HDAC9: variants seen among roughly 807,000 people sequenced by gnomAD.
The protein encoded by HDAC9 is histone deacetylase 9.
HDAC9 carries 41 observed loss-of-function variants against 139.4 expected under a neutral mutation model. The observed-to-expected ratio is 0.29, with a 90% CI of 0.23 to 0.38. The LOEUF (loss-of-function observed/expected upper bound fraction) is 0.38, where lower values mean the gene tolerates loss of function less well. Among genes scored for constraint, HDAC9 ranks in the 10% least tolerant of loss-of-function variants. The pLI, the probability that HDAC9 is intolerant of heterozygous loss-of-function variation, is 1.00. For synonymous variants in HDAC9, 517 were observed against 476.2 expected, an observed-to-expected ratio of 1.09 and a Z score of -1.12; for missense variants, 1,147 against 1,297.0, an observed-to-expected ratio of 0.88 and a Z score of 1.78.
intron 1 of HDAC9, among the ~76,000 whole-genome samples, chr7:18,355,746 C>A (rs573419678): frequency 6.6e-6 from 1 of 152,072 alleles, no homozygotes; most frequent in African/African-American, 2.4e-5. Flanking sequence ...ACCCCCATTT[C>A]GTGACACTGA....
intron 12 of HDAC9, among the ~76,000 whole-genome samples, chr7:18,682,203 A>G (rs2129091004): frequency 6.6e-6 from 1 of 152,150 alleles, no homozygotes; most frequent in East Asian, 1.9e-4. Flanking sequence ...TGATCTGCAT[A>G]GATTTTGCAT....
At chr7:18,202,045 T>G (rs1474148730) in intron 2 of HDAC9, among the ~76,000 whole-genome samples, 1 of 152,218 alleles carries the variant, frequency 6.6e-6, no homozygotes, top group African/African-American at 2.4e-5. Flanking sequence ...GAAAGACTTT[T>G]ACCTCTCTGT....
chr7:18,614,027 A>G (rs1330959605), intron 6 of HDAC9, among the ~76,000 whole-genome samples: 1 of 151,936 alleles, frequency 6.6e-6, no homozygotes. Flanking sequence ...TTTCTATTTC[A>G]ATTGTCACCA....
intron 1 of HDAC9, among the ~76,000 whole-genome samples, chr7:18,138,880 C>T (rs1029170340): frequency 2.6e-5 from 4 of 152,038 alleles, no homozygotes; most frequent in Admixed American, 6.6e-5. Flanking sequence ...ATTATACCTT[C>T]CTGGCACTCT....
chr7:18,656,552 G>A (rs1254393571), intron 11 of HDAC9, among the ~76,000 whole-genome samples: 2 of 151,950 alleles, frequency 1.3e-5, no homozygotes, highest in South Asian at 4.1e-4. Context: ...TATTTGTTTT[G>A]CAATATTGGT....
intron 2 of HDAC9, among the ~76,000 whole-genome samples, chr7:18,185,554 A>G (rs1027534493): frequency 6.6e-6 from 1 of 152,210 alleles, no homozygotes; most frequent in Non-Finnish European, 1.5e-5. Context: ...AAAAGAGACA[A>G]ATTAATCTCA....
chr7:18,900,614 A>G (rs1011610275), intron 22 of HDAC9, among the ~76,000 whole-genome samples: 1 of 152,174 alleles, frequency 6.6e-6, no homozygotes, highest in Non-Finnish European at 1.5e-5. Context: ...ACAAGATCCC[A>G]TGGACCCCTT....
chr7:18,736,984 T>G (rs889497262), intron 13 of HDAC9, among the ~76,000 whole-genome samples: 2 of 152,220 alleles, frequency 1.3e-5, no homozygotes, highest in Non-Finnish European at 2.9e-5. Flanking sequence ...TGTCCAGGAA[T>G]TTATCCATTT....
chr7:18,312,314 C>T (rs980909848), intron 1 of HDAC9, among the ~76,000 whole-genome samples: 12 of 152,118 alleles, frequency 7.9e-5, no homozygotes, highest in African/African-American at 2.9e-4. Flanking sequence ...TCACTGTTGT[C>T]TCTTTCTTGT....
chr7:18,824,721 T>A (rs62448067), intron 17 of HDAC9, among the ~76,000 whole-genome samples: 15,753 of 152,190 alleles, frequency 0.1, 1,022 homozygotes, highest in African/African-American at 0.18. Context: ...CTTTGTGGCT[T>A]GCAGACAGCC....
At position 18,477,823 on chromosome 7, in the gene HDAC9, G is replaced by A. The variant is rs112464979; in HGVS notation, c.-41-18439G>A. 3.1e-3 allele frequency among the ~76,000 whole-genome samples: 473 copies of A among 152,166 alleles called. 6 individuals are homozygous for A. The highest frequency in any genetic ancestry group is 0.011 in the African/African-American group (445 of 41,530). ...CTTTATCTAATGTTAACGACTCACA[G>A]CCTGTAACTACCATCTGCCCTTTCT... On this transcript the variant is annotated intron_variant, in intron 1 of 3. Coordinates refer to the HDAC9 transcript ENST00000413509.
At chr7:18,544,391 G>A (rs549224862) in intron 2 of HDAC9, among the ~76,000 whole-genome samples, 1 of 152,330 alleles carries the variant, frequency 6.6e-6, no homozygotes, top group South Asian at 2.1e-4. Flanking sequence ...ATGAAAACAT[G>A]TTAATAGATT....
intron 1 of HDAC9, among the ~76,000 whole-genome samples, chr7:18,389,342 G>A (rs558858542): frequency 6.6e-6 from 1 of 152,214 alleles, no homozygotes; most frequent in African/African-American, 2.4e-5. Flanking sequence ...GAGTCCTGGA[G>A]TTATAGGCAT....
chr7:18,298,224 A>G (rs902701591), intron 1 of HDAC9, among the ~76,000 whole-genome samples: 2 of 151,944 alleles, frequency 1.3e-5, no homozygotes, highest in Non-Finnish European at 2.9e-5. Context: ...TTTCTGATCC[A>G]TATTTATCTA....
rs185741956 is a variant in HDAC9 at position 18,239,138 on chromosome 7, T to C, written c.25+76789T>C. Among the ~76,000 whole-genome samples the C allele has an allele frequency of 7.5e-4, 114 of 152,146 alleles. 2 individuals are homozygous for C. The East Asian group carries it at 0.016, about 22-fold the overall frequency. On this transcript the variant is annotated intron_variant, in intron 2 of 12. Coordinates refer to the HDAC9 transcript ENST00000417496. ...TACACATCTTATTTTTGTTTTTTTT[T>C]TCCCCCTAAAAGACAATGTTCAAAA...
At chr7:18,303,831 C>A (rs1478338611) in intron 1 of HDAC9, among the ~76,000 whole-genome samples, 4 of 152,218 alleles carry the variant, frequency 2.6e-5, no homozygotes, top group Non-Finnish European at 5.9e-5. Flanking sequence ...GTTCTGCTGG[C>A]TGGAACCTCA....
At chr7:18,785,974 T>C (rs1791678712) in intron 16 of HDAC9, among the ~76,000 whole-genome samples, 1 of 152,182 alleles carries the variant, frequency 6.6e-6, no homozygotes, top group African/African-American at 2.4e-5. Context: ...ATAATATTAT[T>C]GTTATTGTCA....
At chr7:18,411,319 C>G (rs1290278924) in intron 1 of HDAC9, among the ~76,000 whole-genome samples, 1 of 152,140 alleles carries the variant, frequency 6.6e-6, no homozygotes, top group Non-Finnish European at 1.5e-5. Context: ...TGCAAATACA[C>G]AATCATTCTG....
intron 21 of HDAC9, among the ~76,000 whole-genome samples, chr7:18,849,297 G>A (rs1315929381): frequency 6.6e-6 from 1 of 152,082 alleles, no homozygotes; most frequent in African/African-American, 2.4e-5. Flanking sequence ...GTGGTTCTTA[G>A]ATAACACACC....
Sources: gnomAD v4.1 joint callset for allele counts (sites outside exome capture counted in the v4.1 genomes callset) on GRCh38, gnomAD v4.1.1 for gene constraint, MANE v1.5 for transcripts, NCBI Gene and HGNC (gene_info 2026-07-23, HGNC 2026-07-21) for gene names.